Variants in SEPTIN9 observed in about 807,000 individuals in gnomAD.
The protein encoded by SEPTIN9 is septin 9, also known as septin-9.
In SEPTIN9, 13 loss-of-function variants were observed where a neutral mutation model predicts 56.6. The observed-to-expected ratio is 0.23, with a 90% CI of 0.15 to 0.37. The LOEUF (loss-of-function observed/expected upper bound fraction) is 0.37. Ranked by LOEUF, SEPTIN9 falls within the 10% of genes least tolerant of loss-of-function variation. The pLI, the probability that SEPTIN9 is intolerant of heterozygous loss-of-function variation, is 1.00. For synonymous variants in SEPTIN9, 332 were observed against 334.1 expected (o/e 0.99, Z 0.07); for missense variants, 650 against 823.1 (o/e 0.79, Z 2.57).
rs769995350 is a variant in SEPTIN9, at chr17:77,487,432, G to A, written c.922G>A (p.Gly308Ser). The A allele has an allele frequency of 1.9e-6, 3 of 1,602,182 alleles. No individual in the cohort carries two copies. Among genetic ancestry groups the A allele is most frequent in the Non-Finnish European group, 1.7e-6 (2 of 1,175,126 alleles). The stretch of plus-strand genomic sequence containing the variant: ...TCCCATCCTCTCCCCAGGGCAGAGC[G>A]GCTTGGGTAAATCCACCTTAATCAA... Reference protein sequence around the residue: ...EFNIMVVGQSGLGKSTLINTL... With the variant: ...EFNIMVVGQSSLGKSTLINTL... Residue 308 changes from glycine to serine, a missense_variant, in exon 5 of 12, where the codon GGC becomes AGC. Coordinates refer to ENST00000427177, the MANE Select transcript of SEPTIN9 (RefSeq NM_001113491.2). The surrounding 1 kb of genome is among the most constrained non-coding windows in gnomAD (Gnocchi z 4.3).
At chr17:77,343,633 C>T (rs765200706) in intron 2 of SEPTIN9, among the ~76,000 whole-genome samples, 1 of 152,100 alleles carries the variant, frequency 6.6e-6, no homozygotes, top group Non-Finnish European at 1.5e-5. Flanking sequence ...GGTGTCTTAC[C>T]ACTTGCGACT....
intron 2 of SEPTIN9, among the ~76,000 whole-genome samples, chr17:77,364,299 T>C (rs11650929): frequency 0.21 from 31,593 of 152,232 alleles, 3,907 homozygotes; most frequent in East Asian, 0.61. Context: ...ATGGGGGCAC[T>C]GCAGGGCACG....
chr17:77,399,018 C>T (rs1033259375), intron 2 of SEPTIN9, among the ~76,000 whole-genome samples: 16 of 152,130 alleles, frequency 1.1e-4, no homozygotes, highest in Admixed American at 7.2e-4. Context: ...GTGCATTTTG[C>T]GCAGATGGCC....
intron 2 of SEPTIN9, among the ~76,000 whole-genome samples, chr17:77,325,749 C>G (rs2033110742): frequency 1.3e-5 from 2 of 152,224 alleles, no homozygotes; most frequent in South Asian, 2.1e-4. Flanking sequence ...CTTCTGCCAT[C>G]TGTGCCTTTG....
At chr17:77,493,135 C>T in intron 10 of SEPTIN9, 59 bp downstream of exon 10, 3 of 1,337,368 alleles carry the variant, frequency 2.2e-6, no homozygotes, top group Non-Finnish European at 3.1e-6. Context: ...TTCTGCTGAC[C>T]CAGAGCCTGT....
chr17:77,340,908 T>C (rs1024771972), intron 2 of SEPTIN9, among the ~76,000 whole-genome samples: 3 of 152,256 alleles, frequency 2.0e-5, no homozygotes, highest in Non-Finnish European at 4.4e-5. Context: ...CCTCAAACTT[T>C]CCTTCTCCAG....
chr17:77,415,500 G>A (rs1297032141), intron 3 of SEPTIN9, among the ~76,000 whole-genome samples: 1 of 151,932 alleles, frequency 6.6e-6, no homozygotes, highest in Non-Finnish European at 1.5e-5. Flanking sequence ...CCAGCTACTC[G>A]GTAGGCTGAG....
intron 2 of SEPTIN9, among the ~76,000 whole-genome samples, chr17:77,325,152 C>T (rs1006164859): frequency 3.3e-5 from 5 of 152,192 alleles, no homozygotes; most frequent in African/African-American, 4.8e-5. Flanking sequence ...CTATGACGTT[C>T]CACTTTATCT....
chr17:77,490,862 A>G lies in SEPTIN9; in HGVS notation c.1380+3A>G. Reference sequence around the variant, plus strand: ...AGAGGGTCCACTTCAAACAGCGGGTAGGGTTCCATCTCTACTTGCCCCAGC... The same window carrying G: ...AGAGGGTCCACTTCAAACAGCGGGTGGGGTTCCATCTCTACTTGCCCCAGC... On this transcript the variant is annotated splice_donor_region_variant and intron_variant, in intron 8 of 11. Coordinates refer to ENST00000427177, the MANE Select transcript of SEPTIN9 (RefSeq NM_001113491.2). The G allele has an allele frequency of 1.3e-6, 2 of 1,566,592 alleles. No individual in the cohort carries two copies. The highest frequency in any genetic ancestry group is 1.7e-6 in the Non-Finnish European group (2 of 1,154,606).
At chr17:77,376,503 G>T (rs922047458) in intron 2 of SEPTIN9, 1 of 668,870 alleles carries the variant, frequency 1.5e-6, no homozygotes, top group African/African-American at 2.0e-5. Flanking sequence ...CACCATGTGG[G>T]TTGCTGAGGG....
chr17:77,301,855 C>T (rs545212296), intron 1 of SEPTIN9, among the ~76,000 whole-genome samples: 1 of 152,160 alleles, frequency 6.6e-6, no homozygotes, highest in African/African-American at 2.4e-5. Flanking sequence ...CTGTCCAGGC[C>T]TCATTCATTG....
At chr17:77,283,160 C>CTTT (rs33965677) in intron 1 of SEPTIN9, among the ~76,000 whole-genome samples, 11 of 132,350 alleles carry the variant, frequency 8.3e-5, no homozygotes, top group East Asian at 4.4e-4. Flanking sequence ...CACTGGGTTT[C>CTTT]TTTTTTTTTT....
intron 1 of SEPTIN9, among the ~76,000 whole-genome samples, chr17:77,297,472 C>G (rs866128199): frequency 3.9e-5 from 6 of 152,188 alleles, no homozygotes; most frequent in African/African-American, 1.4e-4. Context: ...CACCCAGAAG[C>G]GATGCGTTAC....
intron 1 of SEPTIN9, among the ~76,000 whole-genome samples, chr17:77,289,745 A>G (rs2031453691): frequency 6.6e-6 from 1 of 151,982 alleles, no homozygotes; most frequent in South Asian, 2.1e-4. Flanking sequence ...TTTTAAGGAA[A>G]GCAATCTAAA....
intron 3 of SEPTIN9, among the ~76,000 whole-genome samples, chr17:77,480,712 A>G (rs1238888399): frequency 6.6e-6 from 1 of 152,130 alleles, no homozygotes; most frequent in Non-Finnish European, 1.5e-5. Flanking sequence ...CACCGGTCCC[A>G]GGGAAAAGCC....
intron 3 of SEPTIN9, among the ~76,000 whole-genome samples, chr17:77,414,239 C>T (rs1363680197): frequency 2.6e-5 from 4 of 152,012 alleles, no homozygotes; most frequent in East Asian, 1.9e-4. Context: ...CCACTACGCC[C>T]GGCTAATTTT....
chr17:77,383,713 G>A (rs1240335931), intron 2 of SEPTIN9, among the ~76,000 whole-genome samples: 1 of 152,214 alleles, frequency 6.6e-6, no homozygotes, highest in Non-Finnish European at 1.5e-5. Flanking sequence ...GAGGGTGCAC[G>A]GAGGGGCTGA....
At chr17:77,493,765 CTTTTT>C (rs35829686) in intron 10 of SEPTIN9, among the ~76,000 whole-genome samples, 2 of 111,444 alleles carry the variant, frequency 1.8e-5, no homozygotes, top group South Asian at 3.0e-4. Context: ...CCTCCTCTTC[CTTTTT>C]TTTTTTTTTT....
intron 3 of SEPTIN9, among the ~76,000 whole-genome samples, chr17:77,481,744 T>C (rs1454208960): frequency 6.6e-6 from 1 of 152,134 alleles, no homozygotes; most frequent in Non-Finnish European, 1.5e-5. Context: ...CCCGAGGCAG[T>C]GTGGAGGGCC....
Sources: gnomAD v4.1 joint callset for allele counts (sites outside exome capture counted in the v4.1 genomes callset) on GRCh38, gnomAD v4.1.1 for gene constraint, Gnocchi (gnomAD v3.1) non-coding constraint, MANE v1.5 for transcripts, NCBI Gene and HGNC (gene_info 2026-07-23, HGNC 2026-07-21) for gene names.